ARHGEF10L: variants seen among roughly 807,000 people sequenced by gnomAD.
ARHGEF10L encodes the protein rho guanine nucleotide exchange factor 10-like protein.
Under a neutral mutation model 141.2 loss-of-function variants are expected in ARHGEF10L, and 69 were observed. The observed-to-expected ratio is 0.49, with a 90% CI of 0.40 to 0.60. The LOEUF is 0.60. ARHGEF10L is among the 20% of genes least tolerant of loss of function. The probability of loss-of-function intolerance (pLI) is 0.00; values close to 1 mark genes in which losing one functional copy is unlikely to be tolerated. For missense variants in ARHGEF10L, 1,482 were observed against 1,734.3 expected (o/e 0.85, Z 2.58); for synonymous variants, 711 against 718.5 (o/e 0.99, Z 0.17).
intron 1 of ARHGEF10L, among the ~76,000 whole-genome samples, chr1:17,553,110 C>A (rs2077177287): frequency 1.3e-5 from 2 of 152,228 alleles, no homozygotes; most frequent in African/African-American, 2.4e-5. Flanking sequence ...GACCCGGGAC[C>A]AGAACCCCAG....
rs1334929368 is a variant in ARHGEF10L at position 17,603,986 on chromosome 1, A to G, written c.433+395A>G. On this transcript the variant is annotated intron_variant, in intron 6 of 28. Coordinates refer to ENST00000361221, the MANE Select transcript of ARHGEF10L (RefSeq NM_018125.4). This position sits in a 1 kb window ranked among gnomAD's most constrained non-coding sequence, Gnocchi z 4.8. ...AAGCCCTGCGCCCTGCTCTGGGTTG[A>G]GGGCTGAGGTGGGCAGGCAGGCAGG... Among the ~76,000 whole-genome samples, 2 of 152,014 alleles carry G rather than the reference A, an allele frequency of 1.3e-5. No homozygotes were observed. Among genetic ancestry groups the G allele is most frequent in the Non-Finnish European group, 2.9e-5 (2 of 68,004 alleles).
In ARHGEF10L at chr1:17,665,256, G is replaced by A. The variant is rs539933340; in HGVS notation, c.3009+661G>A. On this transcript the variant is annotated intron_variant, in intron 26 of 28. Transcript: ENST00000361221. ...GAGTCGCCACCTGGCCTGGAGTGGA[G>A]CTCTCCCAGGGCGCTCCCTCATGAG... Among the ~76,000 whole-genome samples, 20 of 152,362 alleles carry A rather than the reference G, an allele frequency of 1.3e-4. No homozygotes were observed. In the South Asian group the frequency reaches 4.1e-3, roughly 32 times the overall value.
chr1:17,656,858 G>T lies in ARHGEF10L; in HGVS notation c.2860+150G>T, dbSNP rs2062291422. 3.1e-6 allele frequency: 3 copies of T among 965,088 alleles called. No homozygotes were observed. In the East Asian group the frequency reaches 8.1e-5, roughly 26 times the overall value. 59.8% of individuals were successfully genotyped at this position (965,088 alleles called of 1,614,324 possible). A position where few individuals can be genotyped will look rare whatever the true frequency, so the allele number is the denominator to read the frequency against. On this transcript the variant is annotated intron_variant, in intron 25 of 28. Coordinates refer to ENST00000361221, the MANE Select transcript of ARHGEF10L (RefSeq NM_018125.4). The surrounding 1 kb of genome is among the most constrained non-coding windows in gnomAD (Gnocchi z 4.9). ...CATTTGGAGATCCGTGAGCCCCGCTGGGGTTCAATGGGTGGTCCCCCATAT... is the reference window on the plus strand; with the variant it reads ...CATTTGGAGATCCGTGAGCCCCGCTTGGGTTCAATGGGTGGTCCCCCATAT...
At chr1:17,676,331 G>A (rs947662829) in intron 26 of ARHGEF10L, among the ~76,000 whole-genome samples, 8 of 148,888 alleles carry the variant, frequency 5.4e-5, no homozygotes, top group Non-Finnish European at 8.9e-5. Flanking sequence ...GTATGTTCAC[G>A]TGTGGGTGCA....
intron 11 of ARHGEF10L, among the ~76,000 whole-genome samples, chr1:17,622,712 C>T (rs973466491): frequency 6.6e-6 from 1 of 152,196 alleles, no homozygotes; most frequent in African/African-American, 2.4e-5. Flanking sequence ...GCTTCGCCCT[C>T]AGGCCGGCCT....
Position 17,639,469 on chromosome 1 carries a change from T to A in ARHGEF10L, c.2172-733T>A, listed in dbSNP as rs981448920. The stretch of plus-strand genomic sequence containing the variant: ...TATCATTTGAGGTAGGACCATGGGC[T>A]CAGTCCCCCAGGGGACCATGTGTAG... On this transcript the variant is annotated intron_variant, in intron 20 of 28. Transcript: ENST00000361221. This position sits in a 1 kb window ranked among gnomAD's most constrained non-coding sequence, Gnocchi z 4.3. 3.9e-5 allele frequency among the ~76,000 whole-genome samples: 6 copies of A among 152,172 alleles called. No homozygotes were observed. Among genetic ancestry groups the A allele is most frequent in the African/African-American group, 1.4e-4 (6 of 41,448 alleles).
intron 4 of ARHGEF10L, among the ~76,000 whole-genome samples, chr1:17,601,002 A>G (rs898117694): frequency 4.0e-5 from 6 of 149,472 alleles, no homozygotes; most frequent in African/African-American, 1.5e-4. Context: ...GTGAGCCGAG[A>G]TCGCACCACC....
chr1:17,588,353 C>A, intron 3 of ARHGEF10L, 93 bp from the exon 4 acceptor site: 2 of 1,448,662 alleles, frequency 1.4e-6, no homozygotes, highest in Non-Finnish European at 1.9e-6. Context: ...GTCTGCGGCG[C>A]CCCTGGGGAG....
intron 7 of ARHGEF10L, among the ~76,000 whole-genome samples, chr1:17,611,270 C>G (rs578046220): frequency 6.6e-6 from 1 of 152,306 alleles, no homozygotes; most frequent in African/African-American, 2.4e-5. Context: ...AGGTCAAACC[C>G]CAAACTCCTC....
chr1:17,649,381 C>T (rs2061780923), intron 22 of ARHGEF10L, among the ~76,000 whole-genome samples: 1 of 152,208 alleles, frequency 6.6e-6, no homozygotes, highest in South Asian at 2.1e-4. Flanking sequence ...ACTGCCTCCC[C>T]TTTCCCAGGG....
intron 4 of ARHGEF10L, among the ~76,000 whole-genome samples, chr1:17,596,188 C>G (rs1161646538): frequency 6.6e-6 from 1 of 152,236 alleles, no homozygotes; most frequent in Non-Finnish European, 1.5e-5. Flanking sequence ...CCTGCTGACT[C>G]TAGTGGGCCG....
intron 26 of ARHGEF10L, among the ~76,000 whole-genome samples, chr1:17,677,905 C>A (rs148778090): frequency 4.6e-5 from 7 of 152,216 alleles, no homozygotes; most frequent in Middle Eastern, 3.4e-3. Flanking sequence ...CCAGGCTGGG[C>A]GCCATCACTG....
rs1223093040 is a variant in ARHGEF10L, at chr1:17,606,794, C to G, written c.434-1008C>G. On this transcript the variant is annotated intron_variant, in intron 6 of 28. Coordinates refer to ENST00000361221, the MANE Select transcript of ARHGEF10L (RefSeq NM_018125.4). ...GGGCAAAGGGCCTTGCCCAAGATCC[C>G]CCAGTGACGGAGCTGGGGCTGGGAC... 2.6e-5 allele frequency among the ~76,000 whole-genome samples: 4 copies of G among 152,148 alleles called. No individual in the cohort carries two copies. In the East Asian group the frequency reaches 7.7e-4, roughly 29 times the overall value.
At chr1:17,529,939 T>G in the ARHGEF10L span, among the ~76,000 whole-genome samples, 1 of 150,042 alleles carries the variant, frequency 6.7e-6, no homozygotes. Flanking sequence ...TTCAAGCAAT[T>G]CTCCTGCCTC....
At chr1:17,638,937 G>C (rs2061173441) in intron 20 of ARHGEF10L, among the ~76,000 whole-genome samples, 1 of 152,236 alleles carries the variant, frequency 6.6e-6, no homozygotes, top group Non-Finnish European at 1.5e-5. Context: ...CTGGCCCACT[G>C]TTAGGATACT....
intron 22 of ARHGEF10L, among the ~76,000 whole-genome samples, chr1:17,649,901 G>A (rs571269650): frequency 2.4e-4 from 37 of 152,308 alleles, no homozygotes; most frequent in Admixed American, 3.9e-4. Context: ...GAAGCCAGGC[G>A]AGGCAGGAGG....
chr1:17,587,014 A>G (rs1193346), intron 2 of ARHGEF10L, among the ~76,000 whole-genome samples: 136,901 of 152,200 alleles, frequency 0.9, 61,886 homozygotes, highest in Middle Eastern at 0.95. Context: ...GCTGCTGCAC[A>G]TACCAAATAA....
chr1:17,519,050 C>T, the ARHGEF10L span, among the ~76,000 whole-genome samples: 14 of 151,582 alleles, frequency 9.2e-5, no homozygotes, highest in Non-Finnish European at 1.5e-4. Context: ...TGGCGCATGC[C>T]TGTAATCCCA....
At chr1:17,652,721 A>C (rs559146653) in intron 22 of ARHGEF10L, among the ~76,000 whole-genome samples, 1 of 152,050 alleles carries the variant, frequency 6.6e-6, no homozygotes, top group East Asian at 1.9e-4. Context: ...TTCAGCGCAA[A>C]CCCATTTCCC....
Sources: allele counts gnomAD v4.1 joint callset (sites outside exome capture counted in the v4.1 genomes callset), GRCh38; gene constraint gnomAD v4.1.1; non-coding constraint Gnocchi (gnomAD v3.1); transcripts MANE v1.5; gene names NCBI Gene and HGNC (gene_info 2026-07-23, HGNC 2026-07-21).